Variants in RANBP9 observed in about 807,000 individuals in gnomAD.
RANBP9 encodes RAN binding protein 9, also known as ran-binding protein 9.
A neutral mutation model predicts 84.3 loss-of-function variants in RANBP9; 15 were observed. The observed-to-expected ratio is 0.18, with a 90% CI of 0.12 to 0.27. The LOEUF (loss-of-function observed/expected upper bound fraction) is 0.27. RANBP9 is among the 10% of genes least tolerant of loss of function. RANBP9 has a pLI of 1.00. For synonymous variants in RANBP9, 392 were observed against 349.6 expected (o/e 1.12, Z -1.35); for missense variants, 809 against 912.8 (o/e 0.89, Z 1.46).
intron 11 of RANBP9, among the ~76,000 whole-genome samples, chr6:13,633,985 C>T (rs1242611904): frequency 6.6e-6 from 1 of 151,428 alleles, no homozygotes; most frequent in Non-Finnish European, 1.5e-5. Context: ...ACTTAAGCAC[C>T]TACTATATAC....
chr6:13,657,890 A>G (rs537505463), intron 3 of RANBP9, among the ~76,000 whole-genome samples: 1 of 152,242 alleles, frequency 6.6e-6, no homozygotes, highest in Non-Finnish European at 1.5e-5. Context: ...ATATGTGATT[A>G]CAATCAGATG....
chr6:13,708,381 G>A (rs1329314068), intron 1 of RANBP9, among the ~76,000 whole-genome samples: 4 of 152,100 alleles, frequency 2.6e-5, no homozygotes, highest in Non-Finnish European at 4.4e-5. Context: ...AGCCATGATC[G>A]CACCACTGCA....
intron 2 of RANBP9, among the ~76,000 whole-genome samples, chr6:13,674,502 T>C (rs1256217593): frequency 1.3e-5 from 2 of 152,194 alleles, no homozygotes; most frequent in African/African-American, 2.4e-5. Context: ...CAACTCAGTA[T>C]AGTACTGGAG....
At chr6:13,678,446 G>C (rs1181864983) in intron 2 of RANBP9, among the ~76,000 whole-genome samples, 3 of 152,140 alleles carry the variant, frequency 2.0e-5, no homozygotes, top group African/African-American at 7.2e-5. Flanking sequence ...GAGATAAGAG[G>C]GCTCACAGGA....
chr6:13,658,203 A>C (rs1765452678), intron 3 of RANBP9, among the ~76,000 whole-genome samples: 1 of 152,212 alleles, frequency 6.6e-6, no homozygotes, highest in Non-Finnish European at 1.5e-5. Context: ...TAAAATATTT[A>C]AAGTAGCTGA....
At chr6:13,702,790 T>C (rs1306182945) in intron 1 of RANBP9, among the ~76,000 whole-genome samples, 1 of 152,172 alleles carries the variant, frequency 6.6e-6, no homozygotes, top group Non-Finnish European at 1.5e-5. Flanking sequence ...CCTTCATCTA[T>C]ATTTCTCAAG....
At position 13,639,744 on chromosome 6, in the gene RANBP9, C is replaced by T. The variant is rs755580416; in HGVS notation, c.1344G>A (p.Gln448=). 6.2e-7 allele frequency: 1 copy of T among 1,613,596 alleles called. No individual in the cohort carries two copies. Among genetic ancestry groups the T allele is most frequent in the Non-Finnish European group, 8.5e-7 (1 of 1,179,654 alleles). Residue 448 remains glutamine (Q), a synonymous_variant, in exon 9 of 14, where the codon CAG becomes CAA. Transcript: ENST00000011619. ...CTGTACCATTCACCATTTCTATAAA[C>T]TGACGCACTCTAAAGGAGAAAAGAA... is the stretch of plus-strand genomic sequence containing the variant. ...PNLLFTLKVR[Q]FIEMVNGTDS...
intron 13 of RANBP9, 146 bp downstream of exon 13, chr6:13,625,507 T>G: frequency 4.3e-6 from 2 of 466,708 alleles, no homozygotes; most frequent in Non-Finnish European, 7.7e-6. Context: ...AGGAGGGGGT[T>G]TCTATATTTT....
chr6:13,680,248 A>C (rs1766002147), intron 2 of RANBP9, among the ~76,000 whole-genome samples: 1 of 152,208 alleles, frequency 6.6e-6, no homozygotes, highest in South Asian at 2.1e-4. Context: ...ACAAATACTG[A>C]AAACCATCAT....
At chr6:13,638,783 G>A (rs2127764183) in intron 9 of RANBP9, among the ~76,000 whole-genome samples, 1 of 152,098 alleles carries the variant, frequency 6.6e-6, no homozygotes, top group Middle Eastern at 3.4e-3. Flanking sequence ...AGACTGGTGA[G>A]CCAACAAACG....
intron 10 of RANBP9, among the ~76,000 whole-genome samples, chr6:13,635,573 G>A (rs556245248): frequency 1.3e-5 from 2 of 151,332 alleles, no homozygotes; most frequent in Non-Finnish European, 2.9e-5. Flanking sequence ...CACCTTGGGG[G>A]TGTGTGTGTG....
At position 13,634,501 on chromosome 6, in the gene RANBP9, A is replaced by G. The variant is rs887882311; in HGVS notation, c.1725T>C (p.Thr575=). 5 of 1,613,568 alleles carry G rather than the reference A, an allele frequency of 3.1e-6. No individual in the cohort carries two copies. The highest frequency in any genetic ancestry group is 4.2e-6 in the Non-Finnish European group (5 of 1,179,608). ...TDHYSNGVGE[T]SSNGFLNGSS... is the part of the protein sequence containing the mutation. ...TACCATTTAGGAAACCATTGGATGA[A>G]GTTTCTCCAACTCCATTGGAGTAGT... is the stretch of plus-strand genomic sequence containing the variant. The change falls in exon 11 of 14, where the codon ACT becomes ACC. Residue 575 remains threonine, a synonymous_variant. Transcript: ENST00000011619.
Position 13,711,678 on chromosome 6 carries a change from G to A in RANBP9, c.-173C>T. The A allele has an allele frequency of 7.1e-6, 3 of 421,116 alleles. No homozygotes were observed. The highest frequency in any genetic ancestry group is 4.9e-5 in the East Asian group (1 of 20,336). 26.1% of individuals were successfully genotyped at this position (421,116 alleles called of 1,614,324 possible). On this transcript the variant is annotated 5_prime_UTR_variant, in exon 1 of 14. Coordinates refer to ENST00000011619, the MANE Select transcript of RANBP9 (RefSeq NM_005493.3). ...CGCGGCGGTTGAGGAGCTCGGAGACGCGGGAGTAGGCGGCGGGCCCGGGAG... is the reference window on the plus strand; with the variant it reads ...CGCGGCGGTTGAGGAGCTCGGAGACACGGGAGTAGGCGGCGGGCCCGGGAG...
intron 12 of RANBP9, among the ~76,000 whole-genome samples, chr6:13,630,284 TAAATAA>T (rs1291933972): frequency 6.6e-6 from 1 of 152,182 alleles, no homozygotes; most frequent in Non-Finnish European, 1.5e-5. Context: ...CTATACTCTT[TAAATAA>T]AGATGATACA....
At chr6:13,708,062 T>C (rs146716124) in intron 1 of RANBP9, among the ~76,000 whole-genome samples, 58 of 152,344 alleles carry the variant, frequency 3.8e-4, no homozygotes, top group African/African-American at 9.6e-4. Flanking sequence ...CATTAATCTC[T>C]TCAAATCATT....
intron 5 of RANBP9, among the ~76,000 whole-genome samples, chr6:13,650,723 T>A (rs1428247800): frequency 6.6e-6 from 1 of 152,186 alleles, no homozygotes; most frequent in Non-Finnish European, 1.5e-5. Context: ...AAAAATGTTC[T>A]TGATGACGGA....
At chr6:13,638,173 C>T (rs1043336606) in intron 9 of RANBP9, among the ~76,000 whole-genome samples, 7 of 152,134 alleles carry the variant, frequency 4.6e-5, no homozygotes, top group Non-Finnish European at 8.8e-5. Flanking sequence ...CTTAATTACA[C>T]ATCTCATTTA....
intron 2 of RANBP9, among the ~76,000 whole-genome samples, chr6:13,692,527 CAAAAAAAAAAAAAAAA>C (rs61237158): frequency 0.015 from 430 of 28,730 alleles, 5 homozygotes; most frequent in Admixed American, 0.026. Context: ...AACTCCGTCT[CAAAAAAAAAAAAAAAA>C]AAAAAAAAAA....
At chr6:13,672,129 T>A (rs939278581) in intron 2 of RANBP9, among the ~76,000 whole-genome samples, 1 of 152,114 alleles carries the variant, frequency 6.6e-6, no homozygotes, top group African/African-American at 2.4e-5. Context: ...GAAAAGGAGC[T>A]CCACCTGGTT....
Sources: allele counts gnomAD v4.1 joint callset (sites outside exome capture counted in the v4.1 genomes callset), GRCh38; gene constraint gnomAD v4.1.1; transcripts MANE v1.5; gene names NCBI Gene and HGNC (gene_info 2026-07-23, HGNC 2026-07-21).